AGBL1: variants seen among roughly 807,000 people sequenced by gnomAD.
AGBL1 encodes AGBL carboxypeptidase 1, also known as cytosolic carboxypeptidase 4.
AGBL1 carries 130 observed loss-of-function variants against 118.9 expected under a neutral mutation model. The ratio of observed to expected loss-of-function variants is 1.09; its 90% CI spans 0.95 to 1.26. AGBL1 has a LOEUF of 1.26. Ranked by LOEUF, AGBL1 falls within the 50% of genes most tolerant of loss-of-function variation. The pLI is 0.00. For missense variants in AGBL1, 1,584 were observed against 1,298.1 expected, an observed-to-expected ratio of 1.22 and a Z score of -3.38; for synonymous variants, 555 against 478.9, an observed-to-expected ratio of 1.16 and a Z score of -2.08.
At chr15:86,265,667 C>G (rs1482626491) in intron 11 of AGBL1, among the ~76,000 whole-genome samples, 2 of 152,204 alleles carry the variant, frequency 1.3e-5, no homozygotes, top group African/African-American at 2.4e-5. Flanking sequence ...CTTTATCTGT[C>G]ATGCTCATTT....
intron 17 of AGBL1, among the ~76,000 whole-genome samples, chr15:86,308,660 A>G (rs1027655443): frequency 6.6e-6 from 1 of 152,200 alleles, no homozygotes; most frequent in Admixed American, 6.5e-5. Context: ...AGTTTTCTCA[A>G]CAACATATAT....
At chr15:86,960,153 C>T (rs1014653594) in intron 23 of AGBL1, among the ~76,000 whole-genome samples, 1 of 152,068 alleles carries the variant, frequency 6.6e-6, no homozygotes, top group Non-Finnish European at 1.5e-5. Flanking sequence ...GCTTTCCGCA[C>T]AGTCTGACTC....
chr15:86,824,362 C>T (rs961642551), intron 22 of AGBL1, among the ~76,000 whole-genome samples: 3 of 151,878 alleles, frequency 2.0e-5, no homozygotes, highest in African/African-American at 7.3e-5. Flanking sequence ...AATACAGCAC[C>T]CACATATACC....
At chr15:86,851,513 T>A (rs1230961247) in intron 22 of AGBL1, among the ~76,000 whole-genome samples, 1 of 152,200 alleles carries the variant, frequency 6.6e-6, no homozygotes, top group Admixed American at 6.5e-5. Flanking sequence ...ACCCATTCAG[T>A]GGGCACAACT....
chr15:86,731,503 T>C (rs1431390831), intron 22 of AGBL1, among the ~76,000 whole-genome samples: 2 of 152,192 alleles, frequency 1.3e-5, no homozygotes, highest in Admixed American at 6.5e-5. Flanking sequence ...ACGGTTCAGG[T>C]GATGATTTGC....
intron 1 of AGBL1, among the ~76,000 whole-genome samples, chr15:86,090,451 T>C (rs571779253): frequency 6.6e-6 from 1 of 152,316 alleles, no homozygotes; most frequent in South Asian, 2.1e-4. Context: ...CAATGAGATG[T>C]TTCTATCATT....
chr15:86,281,929 G>A lies in AGBL1; in HGVS notation c.2220+2146G>A, dbSNP rs995553707. Among the ~76,000 whole-genome samples the A allele has an allele frequency of 1.1e-4, 16 of 152,144 alleles. No individual in the cohort carries two copies. The South Asian group carries it at 2.3e-3, about 22-fold the overall frequency. ...GTTTTTATCTTTAATGCTGAGTGCC[G>A]TGGATGTGGTTCAGCTGAGGGATAA... On this transcript the variant is annotated intron_variant, in intron 16 of 22. Coordinates refer to ENST00000614907, the MANE Select transcript of AGBL1 (RefSeq NM_001386094.1).
At chr15:86,627,991 T>A (rs865809634) in intron 21 of AGBL1, among the ~76,000 whole-genome samples, 1 of 152,132 alleles carries the variant, frequency 6.6e-6, no homozygotes, top group African/African-American at 2.4e-5. Context: ...ACGGGGCTGT[T>A]TAGGAGAGCT....
At chr15:86,317,117 T>G (rs552803986) in intron 17 of AGBL1, 39 of 152,448 alleles carry the variant, frequency 2.6e-4, no homozygotes, top group African/African-American at 8.9e-4. Flanking sequence ...GTTTCCGGCT[T>G]CTTCCTCTCC....
intron 22 of AGBL1, among the ~76,000 whole-genome samples, chr15:86,856,578 A>T (rs1445910045): frequency 6.6e-6 from 1 of 152,232 alleles, no homozygotes; most frequent in East Asian, 1.9e-4. Flanking sequence ...GAACTTTGGT[A>T]TTGATAAATA....
intron 5 of AGBL1, among the ~76,000 whole-genome samples, chr15:86,174,940 A>T (rs1326457590): frequency 6.6e-6 from 1 of 151,988 alleles, no homozygotes; most frequent in Non-Finnish European, 1.5e-5. Context: ...ATCTATGTTC[A>T]TTAGGGATAT....
chr15:86,470,944 A>G (rs890244423), intron 18 of AGBL1, among the ~76,000 whole-genome samples: 2 of 152,124 alleles, frequency 1.3e-5, no homozygotes, highest in Non-Finnish European at 2.9e-5. Flanking sequence ...AGGATTTTCT[A>G]TATCTAAAAT....
intron 5 of AGBL1, among the ~76,000 whole-genome samples, chr15:86,220,778 C>G (rs994055162): frequency 2.0e-5 from 3 of 152,152 alleles, no homozygotes; most frequent in African/African-American, 7.2e-5. Flanking sequence ...ATGGGGACAT[C>G]CATTTGGAGG....
chr15:86,211,114 C>T (rs1487058980), intron 5 of AGBL1, among the ~76,000 whole-genome samples: 1 of 152,330 alleles, frequency 6.6e-6, no homozygotes, highest in South Asian at 2.1e-4. Flanking sequence ...GAGGTCCACT[C>T]CAGACCCTGT....
chr15:86,212,172 T>C (rs2078110049), intron 5 of AGBL1, among the ~76,000 whole-genome samples: 1 of 152,226 alleles, frequency 6.6e-6, no homozygotes, highest in Admixed American at 6.5e-5. Context: ...AAACATATAT[T>C]TATAAATTAC....
At chr15:86,317,477 A>C (rs2080032164) in intron 17 of AGBL1, among the ~76,000 whole-genome samples, 1 of 152,216 alleles carries the variant, frequency 6.6e-6, no homozygotes, top group Non-Finnish European at 1.5e-5. Flanking sequence ...ACTTGCGAGC[A>C]ATGTTTGTTT....
chr15:86,807,481 C>CTT (rs200541772), intron 22 of AGBL1, among the ~76,000 whole-genome samples: 1 of 147,154 alleles, frequency 6.8e-6, no homozygotes, highest in Non-Finnish European at 1.5e-5. Context: ...CAGAAAAGAA[C>CTT]TTTTTTTTTT....
At chr15:86,516,296 T>A (rs143139900) in intron 18 of AGBL1, among the ~76,000 whole-genome samples, 45 of 152,320 alleles carry the variant, frequency 3.0e-4, no homozygotes, top group African/African-American at 1.1e-3. Flanking sequence ...TGTAGCTATC[T>A]TATTTGGTAA....
At chr15:86,745,309 G>A (rs2141243516) in intron 22 of AGBL1, among the ~76,000 whole-genome samples, 1 of 152,092 alleles carries the variant, frequency 6.6e-6, no homozygotes, top group Non-Finnish European at 1.5e-5. Flanking sequence ...TTAAAAAATG[G>A]GAATATAGAG....
Sources: gnomAD v4.1 joint callset for allele counts (sites outside exome capture counted in the v4.1 genomes callset) on GRCh38, gnomAD v4.1.1 for gene constraint, MANE v1.5 for transcripts, NCBI Gene and HGNC (gene_info 2026-07-23, HGNC 2026-07-21) for gene names.